The following INPP4A variants were observed in gnomAD, a reference collection of about 807,000 sequenced individuals.
The protein encoded by INPP4A is inositol polyphosphate-4-phosphatase type I A.
A neutral mutation model predicts 119.8 loss-of-function variants in INPP4A; 33 were observed. That is an observed-to-expected ratio of 0.28 (90% CI 0.21 to 0.37). INPP4A has a LOEUF of 0.37. Ranked by LOEUF, INPP4A falls within the 10% of genes least tolerant of loss-of-function variation. The pLI is 1.00. For missense variants in INPP4A, 956 were observed against 1,289.9 expected (o/e 0.74, Z 3.97); for synonymous variants, 496 against 500.7 (o/e 0.99, Z 0.12).
chr2:98,582,284 A>G (rs1699422816), intron 24 of INPP4A, among the ~76,000 whole-genome samples: 1 of 152,242 alleles, frequency 6.6e-6, no homozygotes, highest in Non-Finnish European at 1.5e-5. Flanking sequence ...TTCAAAGCGT[A>G]GTCCCTGAAT....
intron 1 of INPP4A, among the ~76,000 whole-genome samples, chr2:98,500,623 G>T (rs898093539): frequency 2.6e-5 from 4 of 152,250 alleles, no homozygotes; most frequent in Admixed American, 6.5e-5. Context: ...ACAGGGTAGG[G>T]GGTCAGTGGA....
intron 24 of INPP4A, among the ~76,000 whole-genome samples, chr2:98,577,534 G>A (rs990427583): frequency 1.3e-5 from 2 of 152,220 alleles, no homozygotes; most frequent in Admixed American, 6.5e-5. Flanking sequence ...TGTTGTCGTC[G>A]TGTATATATT....
At position 98,568,617 on chromosome 2, in the gene INPP4A, G is replaced by T. The variant is rs763443290; in HGVS notation, c.2467G>T (p.Val823Leu). 3.7e-6 allele frequency: 6 copies of T among 1,605,466 alleles called. No individual in the cohort carries two copies. The East Asian group carries it at 1.3e-4, about 36-fold the overall frequency. ...AGAAGTCATCAACGTGGAGAGTTTG[G>T]TGCGGTTAAATTCCTACTTTGAGCA... ...LQEVINVESL[V>L]RLNSYFEQFK... Residue 823 changes from valine to leucine, a missense_variant, in exon 22 of 25, where the codon GTG becomes TTG. Val to Leu is a conservative substitution (Grantham distance 32, BLOSUM62 1). This residue lies in a region of INPP4A where 304 missense variants were observed against 492.1 expected (regional missense o/e 0.62). Transcript: ENST00000409851.
intron 24 of INPP4A, 147 bp from the exon 25 acceptor site, chr2:98,587,329 T>G: frequency 2.6e-6 from 2 of 772,674 alleles, no homozygotes; most frequent in Non-Finnish European, 1.9e-6. Flanking sequence ...ATCTTACATA[T>G]GTATTTGTTG....
intron 24 of INPP4A, chr2:98,581,498 ATG>A: frequency 2.2e-6 from 3 of 1,361,162 alleles, no homozygotes; most frequent in Non-Finnish European, 2.9e-6. Flanking sequence ...AATCCATCGC[ATG>A]TGTCTTCTTT....
chr2:98,459,377 A>T (rs1696725850), intron 1 of INPP4A, among the ~76,000 whole-genome samples: 2 of 152,166 alleles, frequency 1.3e-5, no homozygotes, highest in Non-Finnish European at 2.9e-5. Flanking sequence ...GAAAAACAAC[A>T]TGAAAGTAAG....
intron 1 of INPP4A, among the ~76,000 whole-genome samples, chr2:98,452,630 C>T (rs991358704): frequency 6.6e-6 from 1 of 152,204 alleles, no homozygotes; most frequent in East Asian, 1.9e-4. Flanking sequence ...CTTTGCTCTC[C>T]GGAGTCCTTC....
At chr2:98,481,664 G>C (rs1678495780) in intron 1 of INPP4A, among the ~76,000 whole-genome samples, 1 of 152,232 alleles carries the variant, frequency 6.6e-6, no homozygotes, top group Non-Finnish European at 1.5e-5. Flanking sequence ...GTGATCCAAT[G>C]TGAGCAAGCA....
chr2:98,506,826 G>A (rs537150729), intron 1 of INPP4A, among the ~76,000 whole-genome samples: 2 of 152,310 alleles, frequency 1.3e-5, no homozygotes, highest in African/African-American at 4.8e-5. Context: ...CCCACAATGC[G>A]GGCACTCCCC....
At chr2:98,515,687 CG>C (rs1302811041) in intron 1 of INPP4A, among the ~76,000 whole-genome samples, 1 of 152,220 alleles carries the variant, frequency 6.6e-6, no homozygotes, top group Non-Finnish European at 1.5e-5. Flanking sequence ...ACTCCAGCTC[CG>C]GGGAGCCTGA....
rs772831740 is a variant in INPP4A at position 98,533,542 on chromosome 2, G to A, written c.270+47G>A. On this transcript the variant is annotated intron_variant, in intron 5 of 24. Transcript: ENST00000409851. ...CTGAGGGGCTGTGGGACATGCTCTAGTGGTGTCTCTTGTCCTGATGTTCAG... is the reference window on the plus strand; with the variant it reads ...CTGAGGGGCTGTGGGACATGCTCTAATGGTGTCTCTTGTCCTGATGTTCAG... 2.7e-6 allele frequency: 3 copies of A among 1,128,590 alleles called. No individual in the cohort carries two copies. In the South Asian group the frequency reaches 3.7e-5, roughly 14 times the overall value. The allele number at this position is 1,128,590 out of a possible 1,614,324, so 69.9% of individuals were successfully genotyped here.
intron 4 of INPP4A, among the ~76,000 whole-genome samples, chr2:98,531,089 C>T (rs533496095): frequency 1.3e-5 from 2 of 152,322 alleles, no homozygotes; most frequent in South Asian, 2.1e-4. Flanking sequence ...AGACTCTACC[C>T]TCATGACTTA....
Position 98,539,790 on chromosome 2 carries a change from C to T in INPP4A, c.818+115C>T, listed in dbSNP as rs895419387. 8 of 1,029,220 alleles carry T rather than the reference C, an allele frequency of 7.8e-6. No individual in the cohort carries two copies. The African/African-American group carries it at 1.2e-4, about 15-fold the overall frequency. 63.8% of individuals were successfully genotyped at this position (1,029,220 alleles called of 1,614,324 possible). A position where few individuals can be genotyped will look rare whatever the true frequency, so the allele number is the denominator to read the frequency against. Reference sequence around the variant, plus strand: ...AGATAGACTGGACTGCAAACACAGCCTCTCCCCCTGCAGCTCTGTGGCCTT... The same window carrying T: ...AGATAGACTGGACTGCAAACACAGCTTCTCCCCCTGCAGCTCTGTGGCCTT... On this transcript the variant is annotated intron_variant, in intron 10 of 24. Transcript: ENST00000409851.
At chr2:98,512,741 A>G (rs867680212) in intron 1 of INPP4A, among the ~76,000 whole-genome samples, 2 of 152,196 alleles carry the variant, frequency 1.3e-5, no homozygotes, top group Middle Eastern at 3.2e-3. Flanking sequence ...TTTTCAACAC[A>G]GGAACTTTGG....
chr2:98,528,299 CA>C (rs1282929043), intron 4 of INPP4A, among the ~76,000 whole-genome samples: 1 of 151,562 alleles, frequency 6.6e-6, no homozygotes, highest in Non-Finnish European at 1.5e-5. Context: ...TTTGAGAAGG[CA>C]GAAGAAAGAA....
Position 98,591,172 on chromosome 2 carries a change from C to A in INPP4A, c.*3564C>A, listed in dbSNP as rs1021486645. ...TTGTTCTGAAATGGAGTCCTGGCTT[C>A]ACCATGGAAGGTGGGACATATGGGA... On this transcript the variant is annotated 3_prime_UTR_variant, in exon 25 of 25. Coordinates refer to ENST00000409851, the MANE Select transcript of INPP4A (RefSeq NM_001134225.2). 1 of 180,260 alleles carries A rather than the reference C, an allele frequency of 5.5e-6. No individual in the cohort carries two copies. Among genetic ancestry groups the A allele is most frequent in the African/African-American group, 2.4e-5 (1 of 42,442 alleles). 11.2% of individuals were successfully genotyped at this position (180,260 alleles called of 1,614,324 possible).
In INPP4A at chr2:98,592,583, A is replaced by G. The variant is rs1315757401; in HGVS notation, c.*4975A>G. Reference sequence around the variant, plus strand: ...AAATCAGGAAGACAGAAAAAAAAGCAAAATAGCATCCTTTTCTGAGAGGTA... The same window carrying G: ...AAATCAGGAAGACAGAAAAAAAAGCGAAATAGCATCCTTTTCTGAGAGGTA... On this transcript the variant is annotated 3_prime_UTR_variant, in exon 25 of 25. Transcript: ENST00000409851. 6.6e-6 allele frequency: 1 copy of G among 152,268 alleles called. No individual in the cohort carries two copies. Among genetic ancestry groups the G allele is most frequent in the East Asian group, 1.9e-4 (1 of 5,200 alleles). 9.4% of individuals were successfully genotyped at this position (152,268 alleles called of 1,614,324 possible). A position where few individuals can be genotyped will look rare whatever the true frequency, so the allele number is the denominator to read the frequency against.
intron 1 of INPP4A, among the ~76,000 whole-genome samples, chr2:98,496,972 G>A (rs540617309): frequency 3.9e-5 from 6 of 152,312 alleles, no homozygotes; most frequent in Admixed American, 6.5e-5. Flanking sequence ...TTATCACTGG[G>A]AAGTGCTTGA....
chr2:98,522,565 G>A (rs563110110), intron 4 of INPP4A, among the ~76,000 whole-genome samples: 5 of 152,086 alleles, frequency 3.3e-5, no homozygotes, highest in South Asian at 2.1e-4. Flanking sequence ...CAGAAGGTCC[G>A]ATATTTAGAA....
Sources: gnomAD v4.1 joint callset for allele counts (sites outside exome capture counted in the v4.1 genomes callset) on GRCh38, gnomAD v4.1.1 for gene constraint, gnomAD v4.1.1 regional missense constraint, MANE v1.5 for transcripts, NCBI Gene and HGNC (gene_info 2026-07-23, HGNC 2026-07-21) for gene names.